The following RPH3AL variants were observed in gnomAD, a reference collection of about 807,000 sequenced individuals.
RPH3AL encodes rabphilin 3A like (without C2 domains).
In RPH3AL, 38 loss-of-function variants were observed where a neutral mutation model predicts 43.1. The observed-to-expected ratio is 0.88, with a 90% confidence interval of 0.68 to 1.15. The LOEUF (loss-of-function observed/expected upper bound fraction) is 1.15, where lower values mean the gene tolerates loss of function less well. Ranked by LOEUF, RPH3AL falls within the 50% of genes most tolerant of loss-of-function variation. The probability of loss-of-function intolerance (pLI) is 0.00; values close to 1 mark genes in which losing one functional copy is unlikely to be tolerated. For synonymous variants in RPH3AL, 189 were observed against 176.3 expected (o/e 1.07, Z -0.57); for missense variants, 462 against 423.2 (o/e 1.09, Z -0.81).
intron 6 of RPH3AL, chr17:261,557 G>A (rs1555546223): frequency 6.6e-6 from 1 of 152,194 alleles, no homozygotes; most frequent in Non-Finnish European, 1.5e-5. Context: ...GGCTCAAGTT[G>A]ACTACCATGG....
At chr17:265,782 G>A (rs2042305488) in intron 6 of RPH3AL, among the ~76,000 whole-genome samples, 1 of 152,254 alleles carries the variant, frequency 6.6e-6, no homozygotes. Context: ...ATTGAGCTAA[G>A]GAAACAAAAG....
intron 1 of RPH3AL, among the ~76,000 whole-genome samples, chr17:348,374 C>A (rs960930751): frequency 6.6e-6 from 1 of 152,108 alleles, no homozygotes; most frequent in South Asian, 2.1e-4. Context: ...GTACACTACA[C>A]GTTTCAGTTA....
At chr17:326,856 A>G (rs1347687818) in intron 3 of RPH3AL, among the ~76,000 whole-genome samples, 1 of 152,234 alleles carries the variant, frequency 6.6e-6, no homozygotes, top group African/African-American at 2.4e-5. Flanking sequence ...AGCCTGGGCG[A>G]CAAGAAAAAA....
chr17:225,054 G>A lies in RPH3AL; in HGVS notation c.614-5318C>T, dbSNP rs1223285525. Reference sequence around the variant, plus strand: ...GGTGCAGCACACCAACACGGCACATGTATACAGATGTAACAAACCTGCACG... The same window carrying A: ...GGTGCAGCACACCAACACGGCACATATATACAGATGTAACAAACCTGCACG... On this transcript the variant is annotated intron_variant, in intron 7 of 9. Transcript: ENST00000331302. This position sits in a 1 kb window ranked among gnomAD's most constrained non-coding sequence, Gnocchi z 4.4. 6.6e-6 allele frequency among the ~76,000 whole-genome samples: 1 copy of A among 150,892 alleles called. No individual in the cohort carries two copies.
chr17:222,888 C>A (rs1031100863), intron 7 of RPH3AL, among the ~76,000 whole-genome samples: 1 of 152,178 alleles, frequency 6.6e-6, no homozygotes, highest in African/African-American at 2.4e-5. Context: ...AAGCAAGTTG[C>A]CTCCATCAAT....
chr17:250,493 C>T lies in RPH3AL; in HGVS notation c.439-3208G>A, dbSNP rs139260463. On this transcript the variant is annotated intron_variant, in intron 6 of 9. Transcript: ENST00000331302. The stretch of plus-strand genomic sequence containing the variant: ...CCATCGCTGTGGGACCTCTCGGGGC[C>T]TTTACCAAGCTCCGTCGCTGCAGGA... Among the ~76,000 whole-genome samples, 278 of 147,126 alleles carry T rather than the reference C, an allele frequency of 1.9e-3. 1 individual carries two copies. Among genetic ancestry groups the T allele is most frequent in the African/African-American group, 6.7e-3 (263 of 39,526 alleles).
chr17:343,396 C>T (rs1336804089), intron 1 of RPH3AL, among the ~76,000 whole-genome samples: 1 of 152,216 alleles, frequency 6.6e-6, no homozygotes, highest in African/African-American at 2.4e-5. Flanking sequence ...ACAAAGCAGG[C>T]GCTCAACCCT....
chr17:281,273 A>C lies in RPH3AL; in HGVS notation c.438+495T>G, dbSNP rs111883878. On this transcript the variant is annotated intron_variant, in intron 6 of 9. Coordinates refer to ENST00000331302, the MANE Select transcript of RPH3AL (RefSeq NM_006987.4). ...CCCCACTAACTGGCTCTGTGCTTGCAGGTTATTTAACCTCTTGTGTCTTTA... is the reference window on the plus strand; with the variant it reads ...CCCCACTAACTGGCTCTGTGCTTGCCGGTTATTTAACCTCTTGTGTCTTTA... Among the ~76,000 whole-genome samples, 132 of 152,268 alleles carry C rather than the reference A, an allele frequency of 8.7e-4. 2 individuals are homozygous for C. Among genetic ancestry groups the C allele is most frequent in the African/African-American group, 3.0e-3 (126 of 41,546 alleles).
intron 6 of RPH3AL, among the ~76,000 whole-genome samples, chr17:259,403 C>G (rs149595628): frequency 8.5e-4 from 129 of 152,286 alleles, no homozygotes; most frequent in African/African-American, 2.9e-3. Context: ...TCCTGGCTGC[C>G]CGCCCCACTC....
intron 1 of RPH3AL, among the ~76,000 whole-genome samples, chr17:343,642 C>T (rs1036741603): frequency 2.0e-5 from 3 of 152,156 alleles, no homozygotes; most frequent in Admixed American, 6.5e-5. Flanking sequence ...TAAATTCAAC[C>T]GGTGGTTCTG....
At chr17:331,324 A>T in intron 2 of RPH3AL, 1 of 313,162 alleles carries the variant, frequency 3.2e-6, no homozygotes, top group Non-Finnish European at 6.3e-6. Flanking sequence ...AGGGAGACGG[A>T]AGGATGTCGC....
chr17:236,371 C>A (rs1165534332), intron 7 of RPH3AL, among the ~76,000 whole-genome samples: 2 of 152,264 alleles, frequency 1.3e-5, no homozygotes, highest in Non-Finnish European at 2.9e-5. Context: ...ATGTCCCCTG[C>A]CCTGCCTCAG....
intron 2 of RPH3AL, chr17:331,442 G>C: frequency 1.6e-6 from 1 of 609,588 alleles, no homozygotes; most frequent in East Asian, 7.0e-5. Context: ...CGGACATGAG[G>C]ACCCAGGAGA....
intron 7 of RPH3AL, among the ~76,000 whole-genome samples, chr17:224,493 G>C (rs1354607631): frequency 6.6e-6 from 1 of 152,230 alleles, no homozygotes; most frequent in Non-Finnish European, 1.5e-5. Context: ...GCCCTGGCTG[G>C]CTGAATGCCC....
At chr17:315,504 T>C (rs66994872) in intron 5 of RPH3AL, among the ~76,000 whole-genome samples, 700 of 10,114 alleles carry the variant, frequency 0.069, no homozygotes, top group Middle Eastern at 0.1. Context: ...TCCCTGTGAC[T>C]CCACCTCCAT....
intron 5 of RPH3AL, among the ~76,000 whole-genome samples, chr17:287,149 A>T (rs111173995): frequency 6.1e-4 from 1 of 1,646 alleles, no homozygotes; most frequent in Non-Finnish European, 2.3e-3. Context: ...CAGACCTCAC[A>T]CCCTCTCTCC....
chr17:277,117 C>G (rs2042673810), intron 6 of RPH3AL, among the ~76,000 whole-genome samples: 1 of 152,088 alleles, frequency 6.6e-6, no homozygotes, highest in Non-Finnish European at 1.5e-5. Context: ...AGACAGAGAG[C>G]TATGCACACA....
chr17:226,451 C>A (rs1195208063), intron 7 of RPH3AL, among the ~76,000 whole-genome samples: 1 of 152,234 alleles, frequency 6.6e-6, no homozygotes, highest in African/African-American at 2.4e-5. Flanking sequence ...CAAGCTGGGG[C>A]TTAGAGGTCT....
intron 5 of RPH3AL, among the ~76,000 whole-genome samples, chr17:300,951 T>G (rs1034180414): frequency 6.6e-6 from 1 of 152,142 alleles, no homozygotes; most frequent in Non-Finnish European, 1.5e-5. Context: ...GCCTGCAGAA[T>G]CTCTCACCCA....
Sources: allele counts gnomAD v4.1 joint callset (sites outside exome capture counted in the v4.1 genomes callset), GRCh38; gene constraint gnomAD v4.1.1; non-coding constraint Gnocchi (gnomAD v3.1); transcripts MANE v1.5; gene names NCBI Gene and HGNC (gene_info 2026-07-23, HGNC 2026-07-21).